CASZ1: variants seen among roughly 807,000 people sequenced by gnomAD.
The protein encoded by CASZ1 is castor zinc finger 1, also known as zinc finger protein castor homolog 1.
In CASZ1, 28 loss-of-function variants were observed where a neutral mutation model predicts 135.2. That is an observed-to-expected ratio of 0.21 (90% confidence interval 0.15 to 0.28). The LOEUF is 0.28. CASZ1 is among the 10% of genes least tolerant of loss of function. The pLI, the probability that CASZ1 is intolerant of heterozygous loss-of-function variation, is 1.00. For synonymous variants in CASZ1, 1,068 were observed against 1,073.4 expected (o/e 0.99, Z 0.10); for missense variants, 2,161 against 2,453.3 (o/e 0.88, Z 2.52).
At chr1:10,650,364 A>G (rs1326655898) in intron 13 of CASZ1, 1 of 157,086 alleles carries the variant, frequency 6.4e-6, no homozygotes. Context: ...TTAAACAAAC[A>G]AAAAATATAT....
intron 3 of CASZ1, among the ~76,000 whole-genome samples, chr1:10,703,569 G>A (rs982140215): frequency 6.6e-6 from 1 of 152,020 alleles, no homozygotes; most frequent in Non-Finnish European, 1.5e-5. Flanking sequence ...CCAGGGCCCT[G>A]ACACAGAAAT....
chr1:10,638,853 G>A lies in CASZ1; in HGVS notation c.*89C>T, dbSNP rs1009862691. The A allele has an allele frequency of 1.0e-6, 1 of 977,030 alleles. No individual in the cohort carries two copies. The highest frequency in any genetic ancestry group is 1.8e-5 in the African/African-American group (1 of 56,902). The allele number at this position is 977,030 out of a possible 1,614,324, so 60.5% of individuals were successfully genotyped here. ...GGGTCCGGAAGCACCGGCGGGGCGC[G>A]GGGCTCTGCCCAGGGGCCGCTTCGC... On this transcript the variant is annotated 3_prime_UTR_variant, in exon 21 of 21. Coordinates refer to ENST00000377022, the MANE Select transcript of CASZ1 (RefSeq NM_001079843.3). This position sits in a 1 kb window ranked among gnomAD's most constrained non-coding sequence, Gnocchi z 5.9.
intron 2 of CASZ1, among the ~76,000 whole-genome samples, chr1:10,742,505 C>T (rs933820572): frequency 6.6e-6 from 1 of 152,182 alleles, no homozygotes; most frequent in African/African-American, 2.4e-5. Flanking sequence ...CCTGGCCTCA[C>T]CTCCTGCCCA....
Position 10,788,970 on chromosome 1 carries a change from C to T in CASZ1, c.-234+7594G>A, listed in dbSNP as rs1350008665. ...CTGAGCTCTAGCCACCACTCTGTCC[C>T]TCCTGCTTCTCACAGTGGCCACTGC... On this transcript the variant is annotated intron_variant, in intron 1 of 20. Coordinates refer to ENST00000377022, the MANE Select transcript of CASZ1 (RefSeq NM_001079843.3). The surrounding 1 kb of genome is among the most constrained non-coding windows in gnomAD (Gnocchi z 4.1). Among the ~76,000 whole-genome samples, 1 of 152,216 alleles carries T rather than the reference C, an allele frequency of 6.6e-6. No individual in the cohort carries two copies. Among genetic ancestry groups the T allele is most frequent in the Admixed American group, 6.5e-5 (1 of 15,292 alleles).
At chr1:10,769,445 T>A (rs1030176226) in intron 1 of CASZ1, among the ~76,000 whole-genome samples, 1 of 152,250 alleles carries the variant, frequency 6.6e-6, no homozygotes, top group Non-Finnish European at 1.5e-5. Context: ...AACTCATCAG[T>A]GTAAAAAAGT....
At chr1:10,670,119 G>T (rs937584440) in intron 4 of CASZ1, among the ~76,000 whole-genome samples, 25 of 152,288 alleles carry the variant, frequency 1.6e-4, no homozygotes, top group African/African-American at 6.0e-4. Context: ...CCTTCCCACT[G>T]CCAGGCAGCT....
rs1642762048 is a variant in CASZ1 at position 10,655,673 on chromosome 1, C to T, written c.1641G>A (p.Lys547=). Reference sequence around the variant, plus strand: ...CCTGCATGCAGTGATAGTGGGTGCTCTTCCCATTGAGGTGGCAGCCGTGGT... The same window carrying T: ...CCTGCATGCAGTGATAGTGGGTGCTTTTCCCATTGAGGTGGCAGCCGTGGT... The part of the protein sequence containing the change: ...VYYHGCHLNG[K]STHYHCMQVG... The change falls in exon 9 of 21, where the codon AAG becomes AAA. Residue 547 remains lysine, a synonymous_variant. Coordinates refer to ENST00000377022, the MANE Select transcript of CASZ1 (RefSeq NM_001079843.3). 1.9e-6 allele frequency: 3 copies of T among 1,613,762 alleles called. No homozygotes were observed. The highest frequency in any genetic ancestry group is 2.5e-6 in the Non-Finnish European group (3 of 1,179,836).
chr1:10,744,754 T>C (rs1330921443), intron 2 of CASZ1, among the ~76,000 whole-genome samples: 1 of 152,050 alleles, frequency 6.6e-6, no homozygotes, highest in Admixed American at 6.6e-5. Flanking sequence ...CAGTCCCAGA[T>C]GGGCGGGCAA....
rs1209008272 is a variant in CASZ1, at chr1:10,776,045, T to G, written c.-233-15188A>C. Among the ~76,000 whole-genome samples the G allele has an allele frequency of 6.6e-6, 1 of 152,230 alleles. No homozygotes were observed. Among genetic ancestry groups the G allele is most frequent in the Non-Finnish European group, 1.5e-5 (1 of 68,036 alleles). On this transcript the variant is annotated intron_variant, in intron 1 of 20. Coordinates refer to ENST00000377022, the MANE Select transcript of CASZ1 (RefSeq NM_001079843.3). The surrounding 1 kb of genome is among the most constrained non-coding windows in gnomAD (Gnocchi z 4.1). ...GGGTCTGCTCGGTCCCTGTAGCTAA[T>G]TTACACCCGTCAGGGTTTAAAATAG...
intron 2 of CASZ1, among the ~76,000 whole-genome samples, chr1:10,714,968 A>T (rs1339628362): frequency 2.0e-5 from 3 of 152,166 alleles, no homozygotes; most frequent in African/African-American, 4.8e-5. Context: ...AATTCCTATG[A>T]GACCCACCTG....
At chr1:10,677,133 C>T (rs1469235609) in intron 4 of CASZ1, among the ~76,000 whole-genome samples, 3 of 152,176 alleles carry the variant, frequency 2.0e-5, no homozygotes, top group Admixed American at 6.5e-5. Context: ...AGTGGAGGGT[C>T]GAGACAGAGA....
rs115184294 is a variant in CASZ1 at position 10,762,656 on chromosome 1, C to T, written c.-233-1799G>A. 6.6e-3 allele frequency among the ~76,000 whole-genome samples: 998 copies of T among 152,264 alleles called. 6 individuals carry two copies. The highest frequency in any genetic ancestry group is 0.023 in the African/African-American group (955 of 41,552). ...TCTCCACTCCAATATCCCATCAGAA[C>T]GAACCCACCTAAAAGCCAGCATCTT... is the stretch of plus-strand genomic sequence containing the variant. On this transcript the variant is annotated intron_variant, in intron 1 of 20. Coordinates refer to ENST00000377022, the MANE Select transcript of CASZ1 (RefSeq NM_001079843.3). The surrounding 1 kb of genome is among the most constrained non-coding windows in gnomAD (Gnocchi z 4.1).
rs367878659 is a variant in CASZ1 at position 10,789,980 on chromosome 1, G to A, written c.-234+6584C>T. Among the ~76,000 whole-genome samples, 15 of 152,222 alleles carry A rather than the reference G, an allele frequency of 9.9e-5. No individual in the cohort carries two copies. In the East Asian group the frequency reaches 2.3e-3, roughly 24 times the overall value. On this transcript the variant is annotated intron_variant, in intron 1 of 20. Coordinates refer to ENST00000377022, the MANE Select transcript of CASZ1 (RefSeq NM_001079843.3). ...AACTTAACTTGGTGAACTCAAGGGG[G>A]CCCGAGGTGGGGGTGCCCCCCTCCC...
At chr1:10,769,675 C>T (rs368104097) in intron 1 of CASZ1, among the ~76,000 whole-genome samples, 109 of 152,204 alleles carry the variant, frequency 7.2e-4, no homozygotes, top group African/African-American at 2.6e-3. Flanking sequence ...CACCACCACA[C>T]CCGGCTAATT....
In CASZ1 at chr1:10,639,368, G is replaced by C; in HGVS notation, c.4854C>G (p.Gly1618=). ...PAPGPPISLD[G]SLSLGAEPGS... is the part of the protein sequence containing the mutation. The stretch of plus-strand genomic sequence containing the variant: ...CCGGCTCGGCGCCCAGCGACAGGGA[G>C]CCGTCCAGACTGATGGGAGGCCCGG... The change falls in exon 21 of 21, where the codon GGC becomes GGG. Residue 1618 remains glycine, a synonymous_variant. Coordinates refer to ENST00000377022, the MANE Select transcript of CASZ1 (RefSeq NM_001079843.3). This position sits in a 1 kb window ranked among gnomAD's most constrained non-coding sequence, Gnocchi z 4.0. 1 of 1,532,914 alleles carries C rather than the reference G, an allele frequency of 6.5e-7. No homozygotes were observed. Among genetic ancestry groups the C allele is most frequent in the Non-Finnish European group, 8.8e-7 (1 of 1,141,818 alleles). 95.0% of individuals were successfully genotyped at this position (1,532,914 alleles called of 1,614,324 possible).
chr1:10,727,791 CA>C lies in CASZ1; in HGVS notation c.-76-22248del, dbSNP rs1639623724. ...AGGCAGCAGCTGCCAGGGCTGCCCT[CA>C]GCCCTTGCCCAGACTGTGCCGACCT... On this transcript the variant is annotated intron_variant, in intron 2 of 20. Transcript: ENST00000377022. This position sits in a 1 kb window ranked among gnomAD's most constrained non-coding sequence, Gnocchi z 5.3. 6.6e-6 allele frequency among the ~76,000 whole-genome samples: 1 copy of C among 152,236 alleles called. No homozygotes were observed. Among genetic ancestry groups the C allele is most frequent in the Non-Finnish European group, 1.5e-5 (1 of 68,042 alleles).
At chr1:10,754,251 C>G (rs1220813140) in intron 2 of CASZ1, among the ~76,000 whole-genome samples, 1 of 152,228 alleles carries the variant, frequency 6.6e-6, no homozygotes, top group Admixed American at 6.5e-5. Flanking sequence ...TTCTCCTTCC[C>G]ACGCATCGCC....
At position 10,755,342 on chromosome 1, in the gene CASZ1, A is replaced by AGGACTCCG. The variant is rs1640230788; in HGVS notation, c.-77+5351_-77+5358dup. 1.3e-5 allele frequency among the ~76,000 whole-genome samples: 2 copies of AGGACTCCG among 152,166 alleles called. No homozygotes were observed. Among genetic ancestry groups the AGGACTCCG allele is most frequent in the South Asian group, 4.1e-4 (2 of 4,828 alleles). On this transcript the variant is annotated intron_variant, in intron 2 of 20. Coordinates refer to ENST00000377022, the MANE Select transcript of CASZ1 (RefSeq NM_001079843.3). The surrounding 1 kb of genome is among the most constrained non-coding windows in gnomAD (Gnocchi z 4.3). Reference sequence around the variant, plus strand: ...GTCTACACGAGGAGATGATGCAGTCAGGACTCCGGGACTCCTCCATGTGTG... The same window carrying AGGACTCCG: ...GTCTACACGAGGAGATGATGCAGTCAGGACTCCGGGACTCCGGGACTCCTCCATGTGTG...
intron 2 of CASZ1, among the ~76,000 whole-genome samples, chr1:10,710,365 C>A (rs559582715): frequency 3.0e-4 from 46 of 152,252 alleles, no homozygotes; most frequent in African/African-American, 1.0e-3. Context: ...GAAAAGCTGG[C>A]CTCCCCACCC....
Sources: allele counts gnomAD v4.1 joint callset (sites outside exome capture counted in the v4.1 genomes callset), GRCh38; gene constraint gnomAD v4.1.1; non-coding constraint Gnocchi (gnomAD v3.1); transcripts MANE v1.5; gene names NCBI Gene and HGNC (gene_info 2026-07-23, HGNC 2026-07-21).